Variants in OPCML observed in about 807,000 individuals in gnomAD.
OPCML encodes the protein opioid-binding protein/cell adhesion molecule.
In OPCML, 13 loss-of-function variants were observed where a neutral mutation model predicts 37.8. The ratio of observed to expected loss-of-function variants is 0.34; its 90% confidence interval spans 0.22 to 0.55. OPCML has a LOEUF of 0.55. Among genes scored for constraint, OPCML ranks in the 20% least tolerant of loss-of-function variants. OPCML has a pLI of 0.91. For synonymous variants in OPCML, 176 were observed against 168.8 expected (o/e 1.04, Z -0.33); for missense variants, 341 against 435.6 (o/e 0.78, Z 1.93).
intron 3 of OPCML, among the ~76,000 whole-genome samples, chr11:132,582,104 T>TGTG (rs2096463232): frequency 2.8e-5 from 4 of 140,410 alleles, no homozygotes; most frequent in Non-Finnish European, 4.6e-5. Flanking sequence ...CACACATACT[T>TGTG]TGTGTGTGTG....
chr11:133,454,723 G>A (rs1003172976), intron 1 of OPCML, among the ~76,000 whole-genome samples: 2 of 152,170 alleles, frequency 1.3e-5, no homozygotes, highest in Non-Finnish European at 2.9e-5. Flanking sequence ...AAGAGTTTTT[G>A]AGGGAAGCTA....
chr11:133,474,693 G>A (rs1239564501), intron 1 of OPCML, among the ~76,000 whole-genome samples: 1 of 152,142 alleles, frequency 6.6e-6, no homozygotes. Flanking sequence ...TGGACCCGCA[G>A]AACCCAGCTC....
chr11:132,834,900 G>A (rs1311212822), intron 2 of OPCML, among the ~76,000 whole-genome samples: 3 of 151,938 alleles, frequency 2.0e-5, no homozygotes, highest in African/African-American at 4.8e-5. Flanking sequence ...CACATTTGGG[G>A]TTGTAAATAT....
At chr11:132,654,763 C>T (rs1941619713) in intron 3 of OPCML, among the ~76,000 whole-genome samples, 2 of 152,184 alleles carry the variant, frequency 1.3e-5, no homozygotes, top group Non-Finnish European at 2.9e-5. Context: ...ATAAGCTCCT[C>T]CCCAAGAGAA....
chr11:133,169,225 C>T (rs980382495), intron 1 of OPCML, among the ~76,000 whole-genome samples: 39 of 152,174 alleles, frequency 2.6e-4, no homozygotes, highest in Admixed American at 7.2e-4. Flanking sequence ...AAGCAACTTT[C>T]CCAATATCGT....
In OPCML at chr11:133,437,590, T is replaced by G. The variant is rs186755387; in HGVS notation, c.61+94674A>C. The stretch of plus-strand genomic sequence containing the variant: ...CCAGAATGGATCACTTAATATTTGC[T>G]AAGCACGCCATGCACTTCAAAACCT... On this transcript the variant is annotated intron_variant, in intron 1 of 7. Transcript: ENST00000524381. Among the ~76,000 whole-genome samples the G allele has an allele frequency of 2.0e-5, 3 of 149,730 alleles. No homozygotes were observed. In the East Asian group the frequency reaches 6.0e-4, roughly 30 times the overall value.
At chr11:133,052,951 GA>G (rs1948158445) in intron 1 of OPCML, among the ~76,000 whole-genome samples, 1 of 152,192 alleles carries the variant, frequency 6.6e-6, no homozygotes, top group Non-Finnish European at 1.5e-5. Flanking sequence ...TGAGATATCT[GA>G]ATTAAACCTC....
At chr11:133,248,613 A>T (rs1033769467) in intron 1 of OPCML, among the ~76,000 whole-genome samples, 2 of 152,242 alleles carry the variant, frequency 1.3e-5, no homozygotes, top group African/African-American at 4.8e-5. Flanking sequence ...GTGGCTGCTC[A>T]GCATGAGGTT....
intron 2 of OPCML, among the ~76,000 whole-genome samples, chr11:132,922,222 T>G (rs1418767293): frequency 6.6e-6 from 1 of 152,056 alleles, no homozygotes; most frequent in Non-Finnish European, 1.5e-5. Context: ...ATTTTATTAT[T>G]TGGTGTTAAG....
chr11:132,538,947 T>G (rs2096348239), intron 3 of OPCML, among the ~76,000 whole-genome samples: 1 of 152,188 alleles, frequency 6.6e-6, no homozygotes, highest in Non-Finnish European at 1.5e-5. Context: ...GGTATTGAGA[T>G]AGAATACCTT....
chr11:132,617,328 A>C (rs919018962), intron 3 of OPCML, among the ~76,000 whole-genome samples: 3 of 152,236 alleles, frequency 2.0e-5, no homozygotes, highest in Non-Finnish European at 4.4e-5. Flanking sequence ...TCAACTGAGC[A>C]AGAGTTAAAC....
At position 132,661,977 on chromosome 11, in the gene OPCML, A is replaced by G. The variant is rs182931042; in HGVS notation, c.147-4658T>C. Among the ~76,000 whole-genome samples, 17 of 152,370 alleles carry G rather than the reference A, an allele frequency of 1.1e-4. No homozygotes were observed. In the East Asian group the frequency reaches 3.3e-3, roughly 29 times the overall value. On this transcript the variant is annotated intron_variant, in intron 2 of 7. Coordinates refer to ENST00000524381, the MANE Select transcript of OPCML (RefSeq NM_001012393.5). ...CTAGCCATGTGTGAGGAAAGAAGGT[A>G]TAAATGAGAGTCTGGAAGAGCAAAG... is the stretch of plus-strand genomic sequence containing the variant.
At chr11:133,469,679 T>C (rs951628032) in intron 1 of OPCML, among the ~76,000 whole-genome samples, 11 of 152,162 alleles carry the variant, frequency 7.2e-5, no homozygotes, top group African/African-American at 2.7e-4. Flanking sequence ...ACCTTCAGAC[T>C]CCTCCGTCTG....
rs112874703 is a variant in OPCML at position 132,568,966 on chromosome 11, T to G, written c.380-39780A>C. Among the ~76,000 whole-genome samples, 1,089 of 152,332 alleles carry G rather than the reference T, an allele frequency of 7.1e-3. 3 individuals carry two copies. The highest frequency in any genetic ancestry group is 0.027 in the Middle Eastern group (8 of 294). On this transcript the variant is annotated intron_variant, in intron 3 of 7. Coordinates refer to ENST00000524381, the MANE Select transcript of OPCML (RefSeq NM_001012393.5). ...TAATACTAAAAATAAATAGCTATGC[T>G]GAAAAGCAGGAGGAAAGCCATTATG...
At chr11:133,502,303 C>A (rs1422686220) in intron 1 of OPCML, among the ~76,000 whole-genome samples, 3 of 152,220 alleles carry the variant, frequency 2.0e-5, no homozygotes, top group Non-Finnish European at 4.4e-5. Context: ...CTCCTGCCCC[C>A]ACCCTGCAAA....
chr11:133,418,321 A>G, intron 1 of OPCML: 1 of 985,386 alleles, frequency 1.0e-6, no homozygotes. Flanking sequence ...CATAATGCAG[A>G]CTAGATTTGA....
chr11:132,568,711 T>A (rs1276043521), intron 3 of OPCML, among the ~76,000 whole-genome samples: 1 of 152,224 alleles, frequency 6.6e-6, no homozygotes, highest in Non-Finnish European at 1.5e-5. Context: ...TTTAGACTTC[T>A]AGCCTTGACA....
At chr11:132,998,784 G>A (rs1234880041) in intron 1 of OPCML, among the ~76,000 whole-genome samples, 1 of 152,202 alleles carries the variant, frequency 6.6e-6, no homozygotes, top group Admixed American at 6.5e-5. Flanking sequence ...TCTGCCATGT[G>A]AGAATAGTGA....
intron 1 of OPCML, among the ~76,000 whole-genome samples, chr11:133,317,214 T>C (rs1592195581): frequency 6.6e-6 from 1 of 152,042 alleles, no homozygotes; most frequent in East Asian, 1.9e-4. Context: ...AAAAAATACA[T>C]AAAGTAAAAT....
Sources: allele counts gnomAD v4.1 joint callset (sites outside exome capture counted in the v4.1 genomes callset), GRCh38; gene constraint gnomAD v4.1.1; transcripts MANE v1.5; gene names NCBI Gene and HGNC (gene_info 2026-07-23, HGNC 2026-07-21).